The following RBFOX1 variants were observed in gnomAD, a reference collection of about 807,000 sequenced individuals.
The protein encoded by RBFOX1 is RNA binding fox-1 homolog 1.
Under a neutral mutation model 57.7 loss-of-function variants are expected in RBFOX1, and 8 were observed. The observed-to-expected ratio is 0.14, with a 90% CI of 0.08 to 0.25. RBFOX1 has a LOEUF of 0.25. RBFOX1 is among the 10% of genes least tolerant of loss of function. The pLI, the probability that RBFOX1 is intolerant of heterozygous loss-of-function variation, is 1.00. For missense variants in RBFOX1, 611 were observed against 548.5 expected (o/e 1.11, Z -1.14); for synonymous variants, 326 against 222.4 (o/e 1.47, Z -4.15).
intron 3 of RBFOX1, among the ~76,000 whole-genome samples, chr16:6,927,429 A>AAAAAAAAAAAAAAAAAAAAC (rs2075798382): frequency 6.6e-6 from 1 of 150,402 alleles, no homozygotes; most frequent in African/African-American, 2.5e-5. Context: ...AAAAAAAAAA[A>AAAAAAAAAAAAAAAAAAAAC]AAAAAAAAAA....
In RBFOX1 at chr16:7,281,776, A is replaced by G. The variant is rs186979195; in HGVS notation, c.27+229678A>G. The stretch of plus-strand genomic sequence containing the variant: ...GTTTGCTTGAGTTTGAATCCAGGAG[A>G]CAATCTTGACTTCCTCTCTGCAGAC... On this transcript the variant is annotated intron_variant, in intron 4 of 15. Transcript: ENST00000550418. Among the ~76,000 whole-genome samples the G allele has an allele frequency of 2.0e-5, 3 of 152,176 alleles. No homozygotes were observed. In the East Asian group the frequency reaches 5.8e-4, roughly 29 times the overall value.
At chr16:6,506,190 C>T (rs1180615472) in intron 2 of RBFOX1, among the ~76,000 whole-genome samples, 1 of 152,022 alleles carries the variant, frequency 6.6e-6, no homozygotes, top group East Asian at 1.9e-4. Flanking sequence ...CAGGAGTGGG[C>T]AGGTCATGTA....
intron 1 of RBFOX1, among the ~76,000 whole-genome samples, chr16:6,194,599 C>G (rs1407182823): frequency 1.3e-5 from 2 of 152,132 alleles, no homozygotes; most frequent in Non-Finnish European, 2.9e-5. Context: ...CTGAAAATGT[C>G]TACTTATCTT....
intron 4 of RBFOX1, among the ~76,000 whole-genome samples, chr16:7,216,553 A>G (rs2092077684): frequency 1.3e-5 from 2 of 152,130 alleles, no homozygotes; most frequent in Non-Finnish European, 2.9e-5. Context: ...TGATAGGAGT[A>G]AAGGGTGTAG....
chr16:6,951,856 A>G (rs961356901), intron 3 of RBFOX1, among the ~76,000 whole-genome samples: 2 of 151,648 alleles, frequency 1.3e-5, no homozygotes, highest in African/African-American at 2.4e-5. Context: ...GCCTCAGCCT[A>G]CTGAGTAGCT....
intron 4 of RBFOX1, among the ~76,000 whole-genome samples, chr16:5,917,373 A>G (rs9925395): frequency 0.084 from 12,803 of 152,290 alleles, 1,833 homozygotes; most frequent in African/African-American, 0.29. Context: ...CTTACGGTGA[A>G]TCCTCCCAAC....
chr16:6,612,048 G>C (rs537522631), intron 2 of RBFOX1, among the ~76,000 whole-genome samples: 3 of 152,092 alleles, frequency 2.0e-5, no homozygotes, highest in East Asian at 1.9e-4. Flanking sequence ...AATAGTTCCT[G>C]TTTCTTGCAT....
At chr16:5,484,308 A>T (rs1267440388) in intron 2 of RBFOX1, among the ~76,000 whole-genome samples, 2 of 152,208 alleles carry the variant, frequency 1.3e-5, no homozygotes, top group Non-Finnish European at 2.9e-5. Flanking sequence ...TCATTTGGAG[A>T]TACTAGTTTC....
At chr16:5,531,909 C>T (rs1007332272) in intron 2 of RBFOX1, among the ~76,000 whole-genome samples, 1 of 151,728 alleles carries the variant, frequency 6.6e-6, no homozygotes, top group African/African-American at 2.4e-5. Flanking sequence ...TCAAGCGTCT[C>T]CTGCCTCAGC....
chr16:7,518,428 G>A (rs755928944), intron 5 of RBFOX1, 39 bp downstream of exon 5: 14 of 1,573,780 alleles, frequency 8.9e-6, no homozygotes, highest in South Asian at 1.2e-5. Context: ...AGGTTATGGG[G>A]AGGCGCCCCC....
chr16:6,289,861 A>G (rs749208434), intron 1 of RBFOX1, among the ~76,000 whole-genome samples: 39 of 152,212 alleles, frequency 2.6e-4, no homozygotes, highest in Non-Finnish European at 4.7e-4. Context: ...ATCCCTCAGT[A>G]AGAGAATAAT....
chr16:7,328,520 T>A (rs796296116), intron 4 of RBFOX1: 10 of 143,782 alleles, frequency 7.0e-5, no homozygotes, highest in African/African-American at 2.6e-4. Flanking sequence ...GGAAGGGAGA[T>A]GCAGTATCTG....
chr16:5,793,478 G>A (rs1265657787), intron 3 of RBFOX1, among the ~76,000 whole-genome samples: 3 of 152,262 alleles, frequency 2.0e-5, no homozygotes, highest in Non-Finnish European at 2.9e-5. Context: ...AGAGGTCCAG[G>A]AAGCTGATGT....
At chr16:6,347,311 C>T (rs773909013) in intron 2 of RBFOX1, among the ~76,000 whole-genome samples, 1 of 152,152 alleles carries the variant, frequency 6.6e-6, no homozygotes, top group Non-Finnish European at 1.5e-5. Context: ...ATCATTGTCT[C>T]TCCTCTTTAC....
intron 3 of RBFOX1, among the ~76,000 whole-genome samples, chr16:6,843,578 A>G (rs1477779117): frequency 2.0e-5 from 3 of 152,086 alleles, no homozygotes; most frequent in Non-Finnish European, 4.4e-5. Context: ...AGTCCCAGCT[A>G]CTCAGGACGT....
intron 1 of RBFOX1, among the ~76,000 whole-genome samples, chr16:5,328,396 C>A (rs1327085879): frequency 6.6e-6 from 1 of 152,190 alleles, no homozygotes; most frequent in Admixed American, 6.5e-5. Context: ...ACACGTTGAT[C>A]TGGGACTTCT....
chr16:6,816,537 G>T (rs2090106613), intron 3 of RBFOX1, among the ~76,000 whole-genome samples: 1 of 151,272 alleles, frequency 6.6e-6, no homozygotes, highest in South Asian at 2.1e-4. Context: ...ATCAGGAGAT[G>T]AAGACCATCC....
chr16:5,930,043 T>A (rs1045916841), intron 4 of RBFOX1, among the ~76,000 whole-genome samples: 3 of 151,650 alleles, frequency 2.0e-5, no homozygotes, highest in Admixed American at 6.6e-5. Context: ...CGGAATGGCT[T>A]GCATTTCAGT....
chr16:6,698,036 A>C (rs35566188), intron 3 of RBFOX1, among the ~76,000 whole-genome samples: 23,307 of 152,152 alleles, frequency 0.15, 2,016 homozygotes, highest in Middle Eastern at 0.22. Context: ...AACTAACTAG[A>C]ATTGTCTCTT....
Sources: allele counts gnomAD v4.1 joint callset (sites outside exome capture counted in the v4.1 genomes callset), GRCh38; gene constraint gnomAD v4.1.1; transcripts MANE v1.5; gene names NCBI Gene and HGNC (gene_info 2026-07-23, HGNC 2026-07-21).